KIAA0040: variants seen among roughly 807,000 people sequenced by gnomAD.
KIAA0040 encodes uncharacterized protein KIAA0040.
A neutral mutation model predicts 7.2 loss-of-function variants in KIAA0040; 10 were observed. That is an observed-to-expected ratio of 1.38 (90% CI 0.85 to 2.34). KIAA0040 has a LOEUF of 2.34. KIAA0040 is among the 30% of genes most tolerant of loss of function. KIAA0040 has a pLI of 0.00. For missense variants in KIAA0040, 89 were observed against 108.2 expected, an observed-to-expected ratio of 0.82 and a Z score of 0.79; for synonymous variants, 49 against 40.1, an observed-to-expected ratio of 1.22 and a Z score of -0.84.
In KIAA0040 at chr1:175,158,446, C is replaced by T. The variant is rs12139918; in HGVS notation, c.*2268G>A. 21,456 of 152,122 alleles carry T rather than the reference C, an allele frequency of 0.14. 1,651 individuals are homozygous for T. Among genetic ancestry groups the T allele is most frequent in the East Asian group, 0.31 (1,595 of 5,144 alleles). 9.4% of individuals were successfully genotyped at this position (152,122 alleles called of 1,614,324 possible). On this transcript the variant is annotated 3_prime_UTR_variant, in exon 4 of 4. Transcript: ENST00000423313. ...CCATGTTACTTGTATGGTCCCGGAT[C>T]CCGGTGATCCGCCCTCCTAGATCAT...
chr1:175,173,053 C>A (rs1393356826), intron 2 of KIAA0040, among the ~76,000 whole-genome samples: 1 of 152,156 alleles, frequency 6.6e-6, no homozygotes, highest in Non-Finnish European at 1.5e-5. Flanking sequence ...CCTAGTGAAT[C>A]AGGGCAGCCA....
At chr1:175,183,988 C>T (rs183073127) in intron 1 of KIAA0040, among the ~76,000 whole-genome samples, 3 of 152,294 alleles carry the variant, frequency 2.0e-5, no homozygotes, top group East Asian at 1.9e-4. Flanking sequence ...GAGTCATGTC[C>T]GGGCAGCTTC....
chr1:175,192,713 G>T lies in KIAA0040; in HGVS notation c.-457C>A, dbSNP rs2272784. 0.49 allele frequency: 74,195 copies of T among 151,908 alleles called. 18,660 individuals are homozygous for T. Among genetic ancestry groups the T allele is most frequent in the Non-Finnish European group, 0.56 (38,079 of 67,992 alleles). 9.4% of individuals were successfully genotyped at this position (151,908 alleles called of 1,614,324 possible). On this transcript the variant is annotated 5_prime_UTR_variant, in exon 1 of 4. Coordinates refer to ENST00000423313, the MANE Select transcript of KIAA0040 (RefSeq NM_014656.3). The stretch of plus-strand genomic sequence containing the variant: ...TGCTGCCCCGTCTGACAGCGCCCCG[G>T]GCCCTGGAGGGAGGTGTGGGTTCCT...
intron 3 of KIAA0040, among the ~76,000 whole-genome samples, chr1:175,165,041 G>A (rs966372460): frequency 4.6e-5 from 7 of 152,192 alleles, no homozygotes; most frequent in African/African-American, 1.7e-4. Context: ...GTGGCTGTGG[G>A]GGTGGACGAG....
chr1:175,192,924 A>T (rs1253098413), upstream of KIAA0040: 2 of 151,532 alleles, frequency 1.3e-5, no homozygotes, highest in East Asian at 3.9e-4. Context: ...GACGCCTGGC[A>T]TAGTTGAGGT....
In KIAA0040 at chr1:175,161,021, G is replaced by C; in HGVS notation, c.-8C>G. On this transcript the variant is annotated 5_prime_UTR_variant, in exon 4 of 4. Coordinates refer to ENST00000423313, the MANE Select transcript of KIAA0040 (RefSeq NM_014656.3). ...GGCACTGATTCTCTCCATGGTGCTT[G>C]GCTAGATTAGGGCCAGAGAACCCTC... 1 of 1,546,128 alleles carries C rather than the reference G, an allele frequency of 6.5e-7. No individual in the cohort carries two copies. Among genetic ancestry groups the C allele is most frequent in the Non-Finnish European group, 8.7e-7 (1 of 1,144,194 alleles).
rs1676515575 is a variant in KIAA0040 at position 175,160,939 on chromosome 1, G to A, written c.75C>T (p.Asn25=). The part of the protein sequence containing the change: ...ILTKHQEGIY[N]TICLGVLLGL... ...CCAGGAGGACTCCCAGGCAGATGGT[G>A]TTGTAGATGCCTTCTTGGTGTTTGG... The change falls in exon 4 of 4, where the codon AAC becomes AAT. Residue 25 remains asparagine, a synonymous_variant. Transcript: ENST00000423313. 1 of 1,551,614 alleles carries A rather than the reference G, an allele frequency of 6.4e-7. No individual in the cohort carries two copies. Among genetic ancestry groups the A allele is most frequent in the Admixed American group, 2.0e-5 (1 of 50,998 alleles).
In KIAA0040 at chr1:175,162,392, G is replaced by C. The variant is rs377460208; in HGVS notation, c.-133-1246C>G. Among the ~76,000 whole-genome samples, 27 of 152,084 alleles carry C rather than the reference G, an allele frequency of 1.8e-4. 1 individual carries two copies. In the South Asian group the frequency reaches 4.8e-3, roughly 27 times the overall value. On this transcript the variant is annotated intron_variant, in intron 3 of 3. Coordinates refer to ENST00000423313, the MANE Select transcript of KIAA0040 (RefSeq NM_014656.3). ...TCTGAGGCCATAGAGACCCACCCAGGCCACACAGGCCCACCCAGACCCACC... is the reference window on the plus strand; with the variant it reads ...TCTGAGGCCATAGAGACCCACCCAGCCCACACAGGCCCACCCAGACCCACC...
chr1:175,181,268 A>G (rs1196185065), intron 1 of KIAA0040, among the ~76,000 whole-genome samples: 2 of 152,114 alleles, frequency 1.3e-5, no homozygotes, highest in Non-Finnish European at 2.9e-5. Context: ...CCTCACTGCT[A>G]TTACTGTAAA....
In KIAA0040 at chr1:175,187,702, C is replaced by T. The variant is rs368331099; in HGVS notation, c.-384+4938G>A. On this transcript the variant is annotated intron_variant, in intron 1 of 3. Coordinates refer to ENST00000423313, the MANE Select transcript of KIAA0040 (RefSeq NM_014656.3). ...AGCTCATGGGTCTTCCCTGTTCCCA[C>T]GGCCTTTTTCCCTTCCCCTGCCCTT... Among the ~76,000 whole-genome samples the T allele has an allele frequency of 8.8e-4, 133 of 151,430 alleles. 1 individual carries two copies. The highest frequency in any genetic ancestry group is 2.9e-3 in the African/African-American group (121 of 41,446).
chr1:175,164,850 C>T (rs1038089548), intron 3 of KIAA0040, among the ~76,000 whole-genome samples: 1 of 151,986 alleles, frequency 6.6e-6, no homozygotes, highest in African/African-American at 2.4e-5. Flanking sequence ...CAAATATCTC[C>T]TTAGTGGCAT....
At chr1:175,182,969 T>C (rs1287683148) in intron 1 of KIAA0040, among the ~76,000 whole-genome samples, 1 of 152,164 alleles carries the variant, frequency 6.6e-6, no homozygotes, top group Non-Finnish European at 1.5e-5. Context: ...GAATCCTGTG[T>C]GCATGATGGA....
chr1:175,178,260 T>C (rs1571207220), intron 1 of KIAA0040, among the ~76,000 whole-genome samples: 1 of 152,208 alleles, frequency 6.6e-6, no homozygotes, highest in Admixed American at 6.5e-5. Flanking sequence ...ACAAGCACAT[T>C]CCATCCACTG....
intron 2 of KIAA0040, among the ~76,000 whole-genome samples, chr1:175,173,261 T>C (rs1181008995): frequency 2.0e-5 from 3 of 152,210 alleles, no homozygotes; most frequent in Non-Finnish European, 4.4e-5. Flanking sequence ...TTGATTTAGA[T>C]ACTTCAGGAG....
At chr1:175,191,491 G>A (rs777068091) in intron 1 of KIAA0040, among the ~76,000 whole-genome samples, 8 of 152,208 alleles carry the variant, frequency 5.3e-5, no homozygotes, top group Non-Finnish European at 1.0e-4. Context: ...CTGTACAGCT[G>A]CCTCTCCAGC....
At chr1:175,190,725 C>T (rs920392720) in intron 1 of KIAA0040, among the ~76,000 whole-genome samples, 7 of 152,174 alleles carry the variant, frequency 4.6e-5, no homozygotes, top group South Asian at 2.1e-4. Context: ...TTAATTATCT[C>T]TGCTTCCCAT....
chr1:175,169,881 C>T (rs1036045101), intron 2 of KIAA0040, among the ~76,000 whole-genome samples: 1 of 152,168 alleles, frequency 6.6e-6, no homozygotes, highest in Non-Finnish European at 1.5e-5. Flanking sequence ...TTGTCTTTTC[C>T]TACTTTCCCT....
intron 3 of KIAA0040, among the ~76,000 whole-genome samples, chr1:175,162,362 A>T (rs1403330016): frequency 6.6e-6 from 1 of 152,060 alleles, no homozygotes; most frequent in Admixed American, 6.6e-5. Context: ...CAGTGAGGTG[A>T]CATGTCTGAG....
At chr1:175,172,599 G>T (rs1558394188) in intron 2 of KIAA0040, among the ~76,000 whole-genome samples, 1 of 152,090 alleles carries the variant, frequency 6.6e-6, no homozygotes, top group African/African-American at 2.4e-5. Flanking sequence ...AAAAAAACCT[G>T]TCTCCACCAC....
Sources: gnomAD v4.1 joint callset for allele counts (sites outside exome capture counted in the v4.1 genomes callset) on GRCh38, gnomAD v4.1.1 for gene constraint, MANE v1.5 for transcripts, NCBI Gene and HGNC (gene_info 2026-07-23, HGNC 2026-07-21) for gene names.